The following LTF variants were observed in gnomAD, a reference collection of about 807,000 sequenced individuals.
LTF encodes the protein lactotransferrin.
In LTF, 91 loss-of-function variants were observed where a neutral mutation model predicts 87.2. That is an observed-to-expected ratio of 1.04 (90% CI 0.88 to 1.24). The LOEUF (loss-of-function observed/expected upper bound fraction) is 1.24, where lower values mean the gene tolerates loss of function less well. LTF is among the 50% of genes most tolerant of loss of function. The pLI is 0.00. For synonymous variants in LTF, 378 were observed against 356.1 expected, an observed-to-expected ratio of 1.06 and a Z score of -0.69; for missense variants, 901 against 904.3, an observed-to-expected ratio of 1.00 and a Z score of 0.05.
In LTF at chr3:46,448,903, G is replaced by A. The variant is rs755293483; in HGVS notation, c.1172C>T (p.Ser391Phe). ...SGLSEGSVTC[S>F]SASTTEDCIA... is the part of the protein sequence containing the mutation. ...GCAGTCCTCTGTGGTGGAGGCCGAGGAGCAGGTCACGCTGCCTTCGCTCAA... is the reference window on the plus strand; with the variant it reads ...GCAGTCCTCTGTGGTGGAGGCCGAGAAGCAGGTCACGCTGCCTTCGCTCAA... Residue 391 changes from serine (S) to phenylalanine (F), a missense_variant, in exon 9 of 17, where the codon TCC becomes TTC. Physicochemically the swap from Ser to Phe is radical, Grantham distance 155. Coordinates refer to ENST00000231751, the MANE Select transcript of LTF (RefSeq NM_002343.6). 6 of 1,613,560 alleles carry A rather than the reference G, an allele frequency of 3.7e-6. No individual in the cohort carries two copies. In the African/African-American group the frequency reaches 5.3e-5, roughly 14 times the overall value.
In LTF at chr3:46,471,392, G is replaced by A. The variant is rs563611387; in HGVS notation, c.-319-926C>T. On this transcript the variant is annotated intron_variant, in intron 1 of 19. Transcript: ENST00000443496. ...ACGGGTTATGGATGCCTGCCATAGG[G>A]AGGGGCTCTGACCCTGACTGAGCTT... 2.6e-5 allele frequency among the ~76,000 whole-genome samples: 4 copies of A among 152,284 alleles called. No homozygotes were observed. The East Asian group carries it at 7.7e-4, about 29-fold the overall frequency.
chr3:46,456,773 A>C (rs1486790884), intron 2 of LTF, among the ~76,000 whole-genome samples: 1 of 152,222 alleles, frequency 6.6e-6, no homozygotes. Flanking sequence ...TTATTAAGCT[A>C]TCCTAAAATT....
intron 1 of LTF, among the ~76,000 whole-genome samples, chr3:46,478,689 T>C (rs1703394651): frequency 6.6e-6 from 1 of 151,984 alleles, no homozygotes. Flanking sequence ...GGGGACCTCG[T>C]AGATGAAGCA....
At chr3:46,472,066 C>A (rs902474967) in intron 1 of LTF, among the ~76,000 whole-genome samples, 2 of 152,062 alleles carry the variant, frequency 1.3e-5, no homozygotes, top group African/African-American at 4.8e-5. Context: ...TCTTTTCCAG[C>A]GACCCTCCTC....
chr3:46,443,396 G>A (rs1702569188), intron 13 of LTF, 45 bp downstream of exon 13: 2 of 1,608,356 alleles, frequency 1.2e-6, no homozygotes, highest in Admixed American at 1.7e-5. Context: ...CATGCTGAGG[G>A]ATGAGGTAAG....
intron 4 of LTF, 105 bp downstream of exon 4, chr3:46,455,691 C>A: frequency 7.3e-7 from 1 of 1,367,682 alleles, no homozygotes; most frequent in South Asian, 1.4e-5. Flanking sequence ...TCACCCCCAC[C>A]TTGATTCATC....
chr3:46,476,462 T>C (rs1281958364), intron 1 of LTF, among the ~76,000 whole-genome samples: 1 of 152,232 alleles, frequency 6.6e-6, no homozygotes, highest in Non-Finnish European at 1.5e-5. Context: ...TCATACCAAT[T>C]TATTTTCAAA....
At chr3:46,480,112 G>A (rs1173479429) in intron 1 of LTF, among the ~76,000 whole-genome samples, 7 of 152,180 alleles carry the variant, frequency 4.6e-5, no homozygotes, top group African/African-American at 1.7e-4. Context: ...GGACACCCAG[G>A]TGGATCGTGG....
In LTF at chr3:46,455,955, C is replaced by T. The variant is rs749686068; in HGVS notation, c.340G>A (p.Val114Met). ...ERQPRTHYYA[V>M]AVVKKGGSFQ... ...CTGCCGCCCTTCTTCACCACAGCCA[C>T]GGCATAATAGTGAGTTCGTGGCTCT... The change falls in exon 4 of 17, where the codon GTG becomes ATG. Residue 114 changes from valine (V) to methionine (M), a missense_variant. Val to Met is a conservative substitution (Grantham distance 21). Transcript: ENST00000231751. The T allele has an allele frequency of 6.5e-5, 104 of 1,604,452 alleles. No individual in the cohort carries two copies. The highest frequency in any genetic ancestry group is 1.1e-4 in the South Asian group (10 of 89,478).
upstream of LTF, among the ~76,000 whole-genome samples, chr3:46,465,841 C>G (rs974039807): frequency 6.6e-6 from 1 of 152,210 alleles, no homozygotes; most frequent in Non-Finnish European, 1.5e-5. Context: ...TGGAAGCAAA[C>G]TAAACATCCA....
At position 46,482,659 on chromosome 3, in the gene LTF, A is replaced by AGAAGGAAG. The variant is rs1206921702; in HGVS notation, c.-320+2319_-320+2326dup. On this transcript the variant is annotated intron_variant, in intron 1 of 19. Transcript: ENST00000443496. ...AAGAAAGAAAGAAAGAAAGAAAGAA[A>AGAAGGAAG]GAAGGAAGGAAGGAAGGAAGGAAGG... is the stretch of plus-strand genomic sequence containing the variant. Among the ~76,000 whole-genome samples, 151 of 60,244 alleles carry AGAAGGAAG rather than the reference A, an allele frequency of 2.5e-3. 4 individuals carry two copies. Among genetic ancestry groups the AGAAGGAAG allele is most frequent in the South Asian group, 4.1e-3 (5 of 1,206 alleles). 39.5% of individuals were successfully genotyped at this position (60,244 alleles called of 152,430 possible). A position where few individuals can be genotyped will look rare whatever the true frequency, so the allele number is the denominator to read the frequency against.
At chr3:46,485,132 G>C (rs1456031108) in exon 1 of LTF, 1 of 152,742 alleles carries the variant, frequency 6.5e-6, no homozygotes, top group Admixed American at 6.5e-5. Flanking sequence ...CCCAGCCTGA[G>C]GCAGGTGGCT....
At chr3:46,441,657 C>T (rs1391951550) in intron 13 of LTF, 174 bp from the exon 14 acceptor site, 4 of 572,774 alleles carry the variant, frequency 7.0e-6, no homozygotes, top group Non-Finnish European at 1.2e-5. Flanking sequence ...TGTACCTGCC[C>T]TCCTTTTAAA....
In LTF at chr3:46,455,436, G is replaced by A; in HGVS notation, c.506C>T (p.Ala169Val). ...GPPEPIEAAV[A>V]RFFSASCVPG... ...AACACAGCTGGCTGAGAAGAACCTG[G>A]CCACAGCTGTTAAACACAGAGAAGT... The change falls in exon 5 of 17, where the codon GCC (alanine) becomes GTC (valine). Residue 169 changes from alanine to valine, a missense_variant. Coordinates refer to ENST00000231751, the MANE Select transcript of LTF (RefSeq NM_002343.6). 1.9e-6 allele frequency: 3 copies of A among 1,614,206 alleles called. No homozygotes were observed. Among genetic ancestry groups the A allele is most frequent in the Non-Finnish European group, 2.5e-6 (3 of 1,180,018 alleles).
chr3:46,475,550 A>T (rs1703350109), intron 1 of LTF, among the ~76,000 whole-genome samples: 1 of 150,902 alleles, frequency 6.6e-6, no homozygotes, highest in Admixed American at 6.6e-5. Flanking sequence ...ACACACACAC[A>T]CACACACACA....
At chr3:46,483,198 A>G (rs2106933074) in intron 1 of LTF, among the ~76,000 whole-genome samples, 1 of 152,278 alleles carries the variant, frequency 6.6e-6, no homozygotes, top group Non-Finnish European at 1.5e-5. Context: ...ATGGGGGAAA[A>G]TTTTGCAAAT....
chr3:46,439,547 G>A (rs1702466204), intron 14 of LTF, 67 bp from the exon 15 acceptor site: 3 of 1,425,636 alleles, frequency 2.1e-6, no homozygotes, highest in Non-Finnish European at 1.9e-6. Flanking sequence ...TCTTCTGGGT[G>A]GGTGTGGCCA....
chr3:46,453,359 C>T (rs1013149374), intron 6 of LTF, among the ~76,000 whole-genome samples: 1 of 152,190 alleles, frequency 6.6e-6, no homozygotes, highest in African/African-American at 2.4e-5. Context: ...AGAACACTTG[C>T]AGAGTGTCAT....
chr3:46,456,115 G>A lies in LTF; in HGVS notation c.317-137C>T, dbSNP rs148242532. On this transcript the variant is annotated intron_variant, in intron 3 of 16. Transcript: ENST00000231751. ...CACAGCTCACGTGTGTCCTCCTCTCGTGGGTCAGCGTCAGGAGGAACGGCC... is the reference window on the plus strand; with the variant it reads ...CACAGCTCACGTGTGTCCTCCTCTCATGGGTCAGCGTCAGGAGGAACGGCC... The A allele has an allele frequency of 2.3e-3, 2,185 of 956,150 alleles. 36 individuals are homozygous for A. In the African/African-American group the frequency reaches 0.03, roughly 13 times the overall value. The allele number at this position is 956,150 out of a possible 1,614,324, so 59.2% of individuals were successfully genotyped here.
Sources: gnomAD v4.1 joint callset for allele counts (sites outside exome capture counted in the v4.1 genomes callset) on GRCh38, gnomAD v4.1.1 for gene constraint, MANE v1.5 for transcripts, NCBI Gene and HGNC (gene_info 2026-07-23, HGNC 2026-07-21) for gene names.